The following MCM2 variants were observed in gnomAD, a reference collection of about 807,000 sequenced individuals.
MCM2 encodes the protein DNA replication licensing factor MCM2.
In MCM2, 49 loss-of-function variants were observed where a neutral mutation model predicts 86.4. The observed-to-expected ratio is 0.57, with a 90% CI of 0.45 to 0.72. The LOEUF (loss-of-function observed/expected upper bound fraction) is 0.72. Ranked by LOEUF, MCM2 falls within the 30% of genes least tolerant of loss-of-function variation. The pLI, the probability that MCM2 is intolerant of heterozygous loss-of-function variation, is 0.00. For synonymous variants in MCM2, 475 were observed against 484.6 expected (o/e 0.98, Z 0.26); for missense variants, 1,038 against 1,259.9 (o/e 0.82, Z 2.67).
At chr3:127,615,140 T>G (rs1333772327) in intron 8 of MCM2, among the ~76,000 whole-genome samples, 1 of 152,180 alleles carries the variant, frequency 6.6e-6, no homozygotes, top group East Asian at 1.9e-4. Flanking sequence ...TGAGCTTCTT[T>G]GTCTGTCCTA....
At position 127,604,593 on chromosome 3, in the gene MCM2, T is replaced by G; in HGVS notation, c.237-15T>G. ...CTTTTTGGCAGTAACCACATCTGTTTTGGTGCTCCCTCAGGGACTACCGCG... is the reference window on the plus strand; with the variant it reads ...CTTTTTGGCAGTAACCACATCTGTTGTGGTGCTCCCTCAGGGACTACCGCG... On this transcript the variant is annotated splice_polypyrimidine_tract_variant and intron_variant, in intron 2 of 15. Transcript: ENST00000265056. The G allele has an allele frequency of 6.2e-7, 1 of 1,608,690 alleles. No homozygotes were observed. The highest frequency in any genetic ancestry group is 8.5e-7 in the Non-Finnish European group (1 of 1,176,776).
chr3:127,604,807 C>T (rs374506908), intron 3 of MCM2, 24 bp downstream of exon 3: 244 of 1,573,722 alleles, frequency 1.6e-4, no homozygotes, highest in Middle Eastern at 2.0e-4. Flanking sequence ...TCTGCCTGCC[C>T]GAGGGACTGG....
At chr3:127,616,825 C>T in intron 9 of MCM2, 43 bp from the exon 10 acceptor site, 1 of 1,594,368 alleles carries the variant, frequency 6.3e-7, no homozygotes, top group Non-Finnish European at 8.6e-7. Flanking sequence ...CCTCCTCTCA[C>T]TTCCCACTCT....
chr3:127,604,840 G>A (rs1447201105), intron 3 of MCM2, 56 bp from the exon 4 acceptor site: 5 of 1,575,508 alleles, frequency 3.2e-6, no homozygotes, highest in Non-Finnish European at 4.3e-6. Flanking sequence ...GAGTCTGGGA[G>A]GGGAGTAGAA....
rs59607211 is a variant in MCM2 at position 127,611,682 on chromosome 3, C to CTTTTTTTT, written c.1428+2686_1428+2693dup. Among the ~76,000 whole-genome samples the CTTTTTTTT allele has an allele frequency of 3.3e-4, 18 of 54,280 alleles. 5 individuals carry two copies. The highest frequency in any genetic ancestry group is 1.9e-3 in the Admixed American group (6 of 3,080). The allele number at this position is 54,280 out of a possible 152,430, so 35.6% of individuals were successfully genotyped here. ...AAGCCCTGCAGGCTTCTGCAGCTGA[C>CTTTTTTTT]TTTTTTTTTTTTTTTTTTTTTTTTT... On this transcript the variant is annotated intron_variant, in intron 8 of 15. Coordinates refer to ENST00000265056, the MANE Select transcript of MCM2 (RefSeq NM_004526.4).
chr3:127,605,137 C>T lies in MCM2; in HGVS notation c.654C>T (p.Arg218=). 6.2e-7 allele frequency: 1 copy of T among 1,614,080 alleles called. No individual in the cohort carries two copies. Among genetic ancestry groups the T allele is most frequent in the South Asian group, 1.1e-5 (1 of 91,084 alleles). ...DSHGHNVFKE[R]ISDMCKENRE... ...ACGGCCACAACGTCTTCAAGGAGCG[C>T]ATCAGCGACATGTGCAAAGGTGTGG... Residue 218 remains arginine, a synonymous_variant, in exon 4 of 16, where the codon CGC becomes CGT. Coordinates refer to ENST00000265056, the MANE Select transcript of MCM2 (RefSeq NM_004526.4).
At chr3:127,609,167 C>A in intron 8 of MCM2, 144 bp downstream of exon 8, 1 of 835,896 alleles carries the variant, frequency 1.2e-6, no homozygotes, top group Non-Finnish European at 1.8e-6. Flanking sequence ...GGAAGGGAGG[C>A]CCTGTGCTCC....
chr3:127,614,216 C>T lies in MCM2; in HGVS notation c.1429-1646C>T, dbSNP rs374618628. Among the ~76,000 whole-genome samples, 3 of 152,228 alleles carry T rather than the reference C, an allele frequency of 2.0e-5. No individual in the cohort carries two copies. In the East Asian group the frequency reaches 5.8e-4, roughly 29 times the overall value. On this transcript the variant is annotated intron_variant, in intron 8 of 15. Transcript: ENST00000265056. ...ATTTCAAGGCAAATTCCAGGCATGC[C>T]GTTTTTTTCTGTAACTACATCAGTA...
rs964730787 is a variant in MCM2 at position 127,618,945 on chromosome 3, C to A, written c.2014-82C>A. ...GAAAGAGTGTCACCCTTGTAGGGCACACTCAGCCCTTCTCCAGCCACTGAC... is the reference window on the plus strand; with the variant it reads ...GAAAGAGTGTCACCCTTGTAGGGCAAACTCAGCCCTTCTCCAGCCACTGAC... On this transcript the variant is annotated intron_variant, in intron 12 of 15. Coordinates refer to ENST00000265056, the MANE Select transcript of MCM2 (RefSeq NM_004526.4). This position sits in a 1 kb window ranked among gnomAD's most constrained non-coding sequence, Gnocchi z 4.0. 17 of 1,407,512 alleles carry A rather than the reference C, an allele frequency of 1.2e-5. No homozygotes were observed. Among genetic ancestry groups the A allele is most frequent in the Middle Eastern group, 1.8e-4 (1 of 5,484 alleles). 87.2% of individuals were successfully genotyped at this position (1,407,512 alleles called of 1,614,324 possible). A position where few individuals can be genotyped will look rare whatever the true frequency, so the allele number is the denominator to read the frequency against.
At chr3:127,616,125 G>A (rs912981287) in intron 9 of MCM2, among the ~76,000 whole-genome samples, 170 bp downstream of exon 9, 2 of 152,340 alleles carry the variant, frequency 1.3e-5, no homozygotes, top group East Asian at 1.9e-4. Flanking sequence ...GTGGCCCTGA[G>A]TTGGGCATTC....
intron 9 of MCM2, among the ~76,000 whole-genome samples, 163 bp downstream of exon 9, chr3:127,616,118 G>A (rs547097562): frequency 6.6e-6 from 1 of 152,318 alleles, no homozygotes; most frequent in East Asian, 1.9e-4. Context: ...GGAGAGGGTG[G>A]CCCTGAGTTG....
chr3:127,620,860 G>A lies in MCM2; in HGVS notation c.2428G>A (p.Val810Ile), dbSNP rs140928153. ...ESFIDTQKFS[V>I]MRSMRKTFAR... ...CTTCATAGACACACAGAAGTTCAGC[G>A]TCATGCGCAGCATGCGCAAGGTGGG... The change falls in exon 14 of 16, where the codon GTC becomes ATC. Residue 810 changes from valine to isoleucine, a missense_variant. Physicochemically the swap from Val to Ile is conservative, Grantham distance 29. Transcript: ENST00000265056. 5.8e-5 allele frequency: 93 copies of A among 1,609,568 alleles called. No individual in the cohort carries two copies. The Middle Eastern group carries it at 1.3e-3, about 23-fold the overall frequency.
chr3:127,609,077 G>T, intron 8 of MCM2, 54 bp downstream of exon 8: 4 of 1,582,846 alleles, frequency 2.5e-6, no homozygotes, highest in African/African-American at 1.3e-5. Flanking sequence ...GGATATGGAG[G>T]GTTGCTGGGG....
rs779738358 is a variant in MCM2, at chr3:127,621,058, G to T, written c.2449-15G>T. On this transcript the variant is annotated splice_polypyrimidine_tract_variant and intron_variant, in intron 14 of 15. Coordinates refer to ENST00000265056, the MANE Select transcript of MCM2 (RefSeq NM_004526.4). ...TAGTGGGAGCGGGTGTTTGACTGAG[G>T]CTTTTTTCCTGCAGACTTTTGCCCG... 1 of 1,613,878 alleles carries T rather than the reference G, an allele frequency of 6.2e-7. No homozygotes were observed. Among genetic ancestry groups the T allele is most frequent in the East Asian group, 2.2e-5 (1 of 44,880 alleles).
Position 127,606,632 on chromosome 3 carries a change from A to T in MCM2, c.916A>T (p.Ile306Phe). The T allele has an allele frequency of 6.2e-7, 1 of 1,614,078 alleles. No individual in the cohort carries two copies. The highest frequency in any genetic ancestry group is 1.1e-5 in the South Asian group (1 of 91,084). ...SLRQLHLNQL[I>F]RTSGVVTSCT... ...CAGGCAGCTGCATCTGAACCAGCTG[A>T]TCCGCACCAGTGGGGTGGTGACCAG... is the stretch of plus-strand genomic sequence containing the variant. The change falls in exon 6 of 16, where the codon ATC becomes TTC. Residue 306 changes from isoleucine to phenylalanine, a missense_variant. Transcript: ENST00000265056. The surrounding 1 kb of genome is among the most constrained non-coding windows in gnomAD (Gnocchi z 4.2).
chr3:127,617,662 C>A lies in MCM2; in HGVS notation c.1900+257C>A. Reference sequence around the variant, plus strand: ...AGGCATGGGAGGAGAGCCCAGTGCCCCTCTGGCCAGGATGGAGTTGGCTGT... The same window carrying A: ...AGGCATGGGAGGAGAGCCCAGTGCCACTCTGGCCAGGATGGAGTTGGCTGT... On this transcript the variant is annotated intron_variant, in intron 11 of 15. Coordinates refer to ENST00000265056, the MANE Select transcript of MCM2 (RefSeq NM_004526.4). The surrounding 1 kb of genome is among the most constrained non-coding windows in gnomAD (Gnocchi z 4.1). 1.7e-6 allele frequency: 1 copy of A among 599,918 alleles called. No homozygotes were observed. Among genetic ancestry groups the A allele is most frequent in the East Asian group, 2.8e-5 (1 of 35,278 alleles). The allele number at this position is 599,918 out of a possible 1,614,324, so 37.2% of individuals were successfully genotyped here. A position where few individuals can be genotyped will look rare whatever the true frequency, so the allele number is the denominator to read the frequency against.
At position 127,621,738 on chromosome 3, in the gene MCM2, G is replaced by C. The variant is rs763884333; in HGVS notation, c.2680G>C (p.Asp894His). 6.2e-7 allele frequency: 1 copy of C among 1,614,004 alleles called. No individual in the cohort carries two copies. The highest frequency in any genetic ancestry group is 8.5e-7 in the Non-Finnish European group (1 of 1,179,966). The stretch of plus-strand genomic sequence containing the variant: ...CTTCAGGATGAACAAGTTCAGCCAC[G>C]ACCTGAAAAGGAAAATGATCCTGCA... ...ELFRMNKFSH[D>H]LKRKMILQQF The change falls in exon 16 of 16, where the codon GAC becomes CAC. Residue 894 changes from aspartate to histidine, a missense_variant. By Grantham distance (81) the Asp-to-His change is moderately conservative. Around this residue, in one of 4 missense-constraint regions of MCM2, gnomAD observed 336 missense variants for 425.7 expected, o/e 0.79. Transcript: ENST00000265056.
rs2074439725 is a variant in MCM2, at chr3:127,617,161, T to C, written c.1773+43T>C. 1.2e-6 allele frequency: 2 copies of C among 1,606,620 alleles called. No homozygotes were observed. The highest frequency in any genetic ancestry group is 1.3e-5 in the African/African-American group (1 of 74,700). On this transcript the variant is annotated intron_variant, in intron 10 of 15. Coordinates refer to ENST00000265056, the MANE Select transcript of MCM2 (RefSeq NM_004526.4). This position sits in a 1 kb window ranked among gnomAD's most constrained non-coding sequence, Gnocchi z 4.1. The stretch of plus-strand genomic sequence containing the variant: ...GGAGGCTGGTGGAACTCAGGGGGTG[T>C]GTGTGGGCTTGGGCCTTAGCGACGG...
At position 127,606,411 on chromosome 3, in the gene MCM2, G is replaced by C. The variant is rs951874687; in HGVS notation, c.893+74G>C. 4.7e-6 allele frequency: 7 copies of C among 1,481,902 alleles called. No individual in the cohort carries two copies. In the Admixed American group the frequency reaches 5.4e-5, roughly 11 times the overall value. 91.8% of individuals were successfully genotyped at this position (1,481,902 alleles called of 1,614,324 possible). A position where few individuals can be genotyped will look rare whatever the true frequency, so the allele number is the denominator to read the frequency against. On this transcript the variant is annotated intron_variant, in intron 5 of 15. Transcript: ENST00000265056. This position sits in a 1 kb window ranked among gnomAD's most constrained non-coding sequence, Gnocchi z 4.2. ...GACTCGGTCGTGATTCCTGAAGAGC[G>C]ATTGTGGTGTGGGCGGGGAGGGTGC...
Sources: allele counts gnomAD v4.1 joint callset (sites outside exome capture counted in the v4.1 genomes callset), GRCh38; gene constraint gnomAD v4.1.1; regional missense constraint gnomAD v4.1.1; non-coding constraint Gnocchi (gnomAD v3.1); transcripts MANE v1.5; gene names NCBI Gene and HGNC (gene_info 2026-07-23, HGNC 2026-07-21).